Variants in TIMP2 observed in about 807,000 individuals in gnomAD.
TIMP2 encodes the protein TIMP metallopeptidase inhibitor 2, also known as metalloproteinase inhibitor 2.
A neutral mutation model predicts 24.3 loss-of-function variants in TIMP2; 5 were observed. The observed-to-expected ratio is 0.21, with a 90% CI of 0.11 to 0.43. The LOEUF is 0.43. TIMP2 is among the 20% of genes least tolerant of loss of function. TIMP2 has a pLI of 1.00. For synonymous variants in TIMP2, 130 were observed against 123.2 expected (o/e 1.06, Z -0.37); for missense variants, 221 against 297.5 (o/e 0.74, Z 1.89).
intron 1 of TIMP2, among the ~76,000 whole-genome samples, chr17:78,915,179 G>C (rs1485074969): frequency 6.6e-6 from 1 of 152,140 alleles, no homozygotes; most frequent in Non-Finnish European, 1.5e-5. Flanking sequence ...TTACAGGCGT[G>C]AGTCACTGCA....
intron 1 of TIMP2, among the ~76,000 whole-genome samples, chr17:78,907,192 C>A (rs1333050193): frequency 6.6e-6 from 1 of 152,040 alleles, no homozygotes; most frequent in African/African-American, 2.4e-5. Flanking sequence ...TGCCACCACA[C>A]CCAGCTAAGT....
rs1017940712 is a variant in TIMP2, at chr17:78,925,057, G to A, written c.32C>T (p.Ala11Val). Reference sequence around the variant, plus strand: ...CGTCGCCAGCAGCAGGAGGCCGAGCGCCAGCCGCAGGGTGCGGGCCGCGGC... The same window carrying A: ...CGTCGCCAGCAGCAGGAGGCCGAGCACCAGCCGCAGGGTGCGGGCCGCGGC... MGAAARTLRL[A>V]LGLLLLATLL... The change falls in exon 1 of 5, where the codon GCG (alanine) becomes GTG (valine). Residue 11 changes from alanine (A) to valine (V), a missense_variant. Physicochemically the swap from Ala to Val is moderately conservative, Grantham distance 64. Coordinates refer to ENST00000262768, the MANE Select transcript of TIMP2 (RefSeq NM_003255.5). 6.3e-6 allele frequency: 7 copies of A among 1,110,448 alleles called. No homozygotes were observed. The highest frequency in any genetic ancestry group is 1.0e-4 in the Admixed American group (2 of 19,498). 68.8% of individuals were successfully genotyped at this position (1,110,448 alleles called of 1,614,324 possible). A position where few individuals can be genotyped will look rare whatever the true frequency, so the allele number is the denominator to read the frequency against.
intron 1 of TIMP2, among the ~76,000 whole-genome samples, chr17:78,903,890 C>G (rs1318305009): frequency 6.6e-6 from 1 of 151,940 alleles, no homozygotes. Context: ...ATCTTAAGGT[C>G]TGTGGTAAAG....
intron 1 of TIMP2, among the ~76,000 whole-genome samples, chr17:78,879,409 A>C (rs1220345185): frequency 1.3e-5 from 2 of 152,222 alleles, no homozygotes; most frequent in Non-Finnish European, 2.9e-5. Flanking sequence ...AGGGCTGGGG[A>C]AAGCGAAGAG....
At chr17:78,873,455 C>G (rs2069703050) in intron 2 of TIMP2, among the ~76,000 whole-genome samples, 1 of 152,066 alleles carries the variant, frequency 6.6e-6, no homozygotes, top group African/African-American at 2.4e-5. Flanking sequence ...TGGGCGCTAC[C>G]ATGCCTGGCT....
chr17:78,924,055 G>C lies in TIMP2; in HGVS notation c.130+904C>G, dbSNP rs1228933486. On this transcript the variant is annotated intron_variant, in intron 1 of 4. Transcript: ENST00000262768. The surrounding 1 kb of genome is among the most constrained non-coding windows in gnomAD (Gnocchi z 5.3). ...ACCAGCACCAGGGCTGCAGAGGCTTGAGGTGCAGGACCAGGGTGGAAACTT... is the reference window on the plus strand; with the variant it reads ...ACCAGCACCAGGGCTGCAGAGGCTTCAGGTGCAGGACCAGGGTGGAAACTT... Among the ~76,000 whole-genome samples the C allele has an allele frequency of 1.3e-5, 2 of 152,224 alleles. No homozygotes were observed. The highest frequency in any genetic ancestry group is 4.8e-5 in the African/African-American group (2 of 41,462).
chr17:78,914,031 G>A (rs965958759), intron 1 of TIMP2, among the ~76,000 whole-genome samples: 5 of 152,034 alleles, frequency 3.3e-5, no homozygotes, highest in African/African-American at 1.2e-4. Flanking sequence ...CATTTGGGAC[G>A]TGAATGGAGA....
At chr17:78,871,030 T>C (rs187854483) in intron 2 of TIMP2, 24 bp from the exon 3 acceptor site, 50 of 1,598,696 alleles carry the variant, frequency 3.1e-5, no homozygotes, top group African/African-American at 3.1e-4. Flanking sequence ...GAGGAGGACA[T>C]GTAAGCAGAG....
intron 1 of TIMP2, among the ~76,000 whole-genome samples, chr17:78,919,364 CTG>C (rs1232056910): frequency 6.6e-6 from 1 of 152,238 alleles, no homozygotes; most frequent in African/African-American, 2.4e-5. Flanking sequence ...TTGGCCTACT[CTG>C]TACCCAGAAC....
intron 3 of TIMP2, among the ~76,000 whole-genome samples, chr17:78,867,799 CTG>C (rs1393759540): frequency 6.6e-6 from 1 of 151,676 alleles, no homozygotes; most frequent in East Asian, 1.9e-4. Flanking sequence ...CGGGGTTTCA[CTG>C]TGTTAGCCAG....
intron 1 of TIMP2, among the ~76,000 whole-genome samples, chr17:78,884,560 C>CT (rs1230056981): frequency 6.6e-6 from 1 of 152,164 alleles, no homozygotes; most frequent in East Asian, 1.9e-4. Flanking sequence ...GAGGTCCCCA[C>CT]TCCCCTTTCC....
At chr17:78,857,914 C>T (rs918420945) in intron 3 of TIMP2, among the ~76,000 whole-genome samples, 2 of 151,596 alleles carry the variant, frequency 1.3e-5, no homozygotes, top group Non-Finnish European at 2.9e-5. Flanking sequence ...TACTAAAATA[C>T]AAAAAATTAG....
intron 3 of TIMP2, among the ~76,000 whole-genome samples, chr17:78,865,391 G>A (rs1187646683): frequency 1.3e-5 from 2 of 151,860 alleles, no homozygotes; most frequent in Non-Finnish European, 2.9e-5. Flanking sequence ...TTGGGAGGCC[G>A]AGGTGGGCGG....
intron 1 of TIMP2, among the ~76,000 whole-genome samples, chr17:78,880,502 C>A (rs1345911784): frequency 6.6e-6 from 1 of 151,372 alleles, no homozygotes; most frequent in Non-Finnish European, 1.5e-5. Context: ...GCCTGAGCAA[C>A]ATAGCAATAC....
chr17:78,883,329 G>A lies in TIMP2; in HGVS notation c.131-9410C>T, dbSNP rs560972215. Among the ~76,000 whole-genome samples the A allele has an allele frequency of 3.9e-5, 6 of 152,354 alleles. No homozygotes were observed. In the South Asian group the frequency reaches 6.2e-4, roughly 16 times the overall value. ...AGTTTGTGGGTGGCTGGGACAGAGAGGCCCCAGGTCCACCCTCAGTGGTGA... is the reference window on the plus strand; with the variant it reads ...AGTTTGTGGGTGGCTGGGACAGAGAAGCCCCAGGTCCACCCTCAGTGGTGA... On this transcript the variant is annotated intron_variant, in intron 1 of 4. Coordinates refer to ENST00000262768, the MANE Select transcript of TIMP2 (RefSeq NM_003255.5).
intron 2 of TIMP2, 23 bp downstream of exon 2, chr17:78,873,796 G>T (rs138576252): frequency 3.1e-6 from 5 of 1,599,956 alleles, no homozygotes; most frequent in Admixed American, 3.3e-5. Context: ...AGTGCAGCCC[G>T]GGATGCCGGC....
intron 3 of TIMP2, among the ~76,000 whole-genome samples, chr17:78,860,055 A>T (rs2069555570): frequency 6.6e-6 from 1 of 152,122 alleles, no homozygotes; most frequent in Non-Finnish European, 1.5e-5. Flanking sequence ...GGGTGCCTGT[A>T]GTCCCAGCTA....
At chr17:78,908,079 G>A (rs1313541090) in intron 1 of TIMP2, among the ~76,000 whole-genome samples, 1 of 152,160 alleles carries the variant, frequency 6.6e-6, no homozygotes, top group Non-Finnish European at 1.5e-5. Flanking sequence ...AGGTTGCAGC[G>A]AGTGGAGATC....
At chr17:78,907,769 G>C (rs574925073) in intron 1 of TIMP2, among the ~76,000 whole-genome samples, 16 of 152,200 alleles carry the variant, frequency 1.1e-4, no homozygotes, top group African/African-American at 3.6e-4. Flanking sequence ...TGCACCCATG[G>C]AATTCATGTT....
Sources: gnomAD v4.1 joint callset for allele counts (sites outside exome capture counted in the v4.1 genomes callset) on GRCh38, gnomAD v4.1.1 for gene constraint, Gnocchi (gnomAD v3.1) non-coding constraint, MANE v1.5 for transcripts, NCBI Gene and HGNC (gene_info 2026-07-23, HGNC 2026-07-21) for gene names.